The following SORCS2 variants were observed in gnomAD, a reference collection of about 807,000 sequenced individuals.
The protein encoded by SORCS2 is VPS10 domain-containing receptor SorCS2.
Under a neutral mutation model 141.6 loss-of-function variants are expected in SORCS2, and 100 were observed. The observed-to-expected ratio is 0.71, with a 90% confidence interval of 0.60 to 0.83. The LOEUF is 0.83. Among genes scored for constraint, SORCS2 ranks in the 40% least tolerant of loss-of-function variants. SORCS2 has a pLI of 0.00. For synonymous variants in SORCS2, 789 were observed against 676.9 expected (o/e 1.17, Z -2.57); for missense variants, 1,646 against 1,560.2 (o/e 1.05, Z -0.93).
rs375065033 is a variant in SORCS2 at position 7,650,662 on chromosome 4, G to C, written c.814-3472G>C. On this transcript the variant is annotated intron_variant, in intron 4 of 26. Transcript: ENST00000507866. ...ACTGACTCAGAGGCCATGACAGGGA[G>C]GCAGACGCCAGCTCCGCAGACCCGG... Among the ~76,000 whole-genome samples the C allele has an allele frequency of 1.6e-4, 24 of 152,030 alleles. No individual in the cohort carries two copies. The East Asian group carries it at 4.5e-3, about 28-fold the overall frequency.
chr4:7,522,742 T>C (rs1733410436), intron 2 of SORCS2, among the ~76,000 whole-genome samples: 1 of 69,448 alleles, frequency 1.4e-5, no homozygotes, highest in Non-Finnish European at 3.2e-5. Context: ...TTCCTTCCTT[T>C]CTTTCCTCTC....
intron 2 of SORCS2, among the ~76,000 whole-genome samples, chr4:7,414,561 C>T (rs1023912892): frequency 1.3e-5 from 2 of 151,886 alleles, no homozygotes; most frequent in African/African-American, 2.4e-5. Context: ...CTCTCGGCCA[C>T]GAGGAAGGGG....
rs757328456 is a variant in SORCS2 at position 7,531,593 on chromosome 4, C to T, written c.612C>T (p.Ile204=). Residue 204 remains isoleucine, a synonymous_variant, in exon 3 of 27, where the codon ATC becomes ATT. Coordinates refer to ENST00000507866, the MANE Select transcript of SORCS2 (RefSeq NM_020777.3). ...LTLQPGVTTV[I]DNFYICPTNK... ...TCCAGCCTGGTGTCACCACCGTCATCGACAATTTCTACATCTGCCCGACCA... is the reference window on the plus strand; with the variant it reads ...TCCAGCCTGGTGTCACCACCGTCATTGACAATTTCTACATCTGCCCGACCA... The T allele has an allele frequency of 5.6e-6, 9 of 1,613,744 alleles. No individual in the cohort carries two copies. Among genetic ancestry groups the T allele is most frequent in the Admixed American group, 5.0e-5 (3 of 60,004 alleles).
chr4:7,486,362 T>C (rs549215390), intron 2 of SORCS2, among the ~76,000 whole-genome samples: 105 of 152,358 alleles, frequency 6.9e-4, no homozygotes, highest in African/African-American at 2.4e-3. Context: ...GGTGGACAGA[T>C]GGAGGGGTCT....
chr4:7,552,123 C>A (rs1351055105), intron 3 of SORCS2, among the ~76,000 whole-genome samples: 4 of 152,194 alleles, frequency 2.6e-5, no homozygotes, highest in Non-Finnish European at 5.9e-5. Flanking sequence ...ATGCATCCTC[C>A]AAAGTCCTGC....
At chr4:7,574,415 G>T in intron 3 of SORCS2, among the ~76,000 whole-genome samples, 1 of 152,230 alleles carries the variant, frequency 6.6e-6, no homozygotes, top group East Asian at 1.9e-4. Context: ...CCATGTCTTA[G>T]AGAGTGATGA....
At chr4:7,423,624 A>G (rs1726234514) in intron 2 of SORCS2, among the ~76,000 whole-genome samples, 1 of 152,152 alleles carries the variant, frequency 6.6e-6, no homozygotes, top group South Asian at 2.1e-4. Context: ...CTGGCTTGTG[A>G]TCACTCTTTG....
intron 1 of SORCS2, among the ~76,000 whole-genome samples, chr4:7,281,039 G>A (rs1225750657): frequency 1.2e-4 from 19 of 152,178 alleles, no homozygotes; most frequent in Admixed American, 1.2e-3. Flanking sequence ...CCACAAATGC[G>A]AGTCGCGTGT....
chr4:7,464,335 C>T (rs1198153349), intron 2 of SORCS2, among the ~76,000 whole-genome samples: 1 of 152,110 alleles, frequency 6.6e-6, no homozygotes, highest in Non-Finnish European at 1.5e-5. Context: ...AATAGAAGTT[C>T]ACCAGGGGGA....
intron 1 of SORCS2, among the ~76,000 whole-genome samples, chr4:7,361,902 G>T (rs7688797): frequency 6.6e-6 from 1 of 151,100 alleles, no homozygotes; most frequent in African/African-American, 2.4e-5. Context: ...AGAAGCGGTG[G>T]GGGGGAGGAC....
At chr4:7,246,209 G>A (rs1469008457) in intron 1 of SORCS2, among the ~76,000 whole-genome samples, 4 of 152,352 alleles carry the variant, frequency 2.6e-5, no homozygotes, top group South Asian at 4.1e-4. Context: ...TATGGCCTGG[G>A]TCCTCTGTGT....
At position 7,542,291 on chromosome 4, in the gene SORCS2, C is replaced by A. The variant is rs78982732; in HGVS notation, c.648+10662C>A. ...ATTGTGCCCCCCAAAAAAATATGTC[C>A]GTGTCATAACTCCTCATCCCTGCCA... On this transcript the variant is annotated intron_variant, in intron 3 of 26. Transcript: ENST00000507866. 6.4e-3 allele frequency among the ~76,000 whole-genome samples: 970 copies of A among 152,314 alleles called. 16 individuals are homozygous for A. The highest frequency in any genetic ancestry group is 0.022 in the African/African-American group (934 of 41,558).
chr4:7,738,675 C>G (rs1276878881), intron 26 of SORCS2, among the ~76,000 whole-genome samples: 5 of 152,198 alleles, frequency 3.3e-5, no homozygotes, highest in African/African-American at 1.2e-4. Flanking sequence ...GTCACTCACA[C>G]TCTGCATCCG....
intron 1 of SORCS2, among the ~76,000 whole-genome samples, chr4:7,342,287 A>T (rs879460715): frequency 1.3e-5 from 2 of 152,182 alleles, no homozygotes; most frequent in Admixed American, 6.5e-5. Context: ...GTGTCCTGAC[A>T]CTGTCGGCGG....
chr4:7,459,249 A>G (rs950089405), intron 2 of SORCS2, among the ~76,000 whole-genome samples: 2 of 151,992 alleles, frequency 1.3e-5, no homozygotes, highest in African/African-American at 4.8e-5. Context: ...TGTTTCCTCA[A>G]CTATAGAAGA....
At chr4:7,426,233 G>T (rs1401917067) in intron 2 of SORCS2, among the ~76,000 whole-genome samples, 1 of 150,276 alleles carries the variant, frequency 6.7e-6, no homozygotes. Flanking sequence ...TGGGTCTGCT[G>T]TTCCTGAGAC....
chr4:7,715,089 T>TC, intron 16 of SORCS2, 94 bp from the exon 17 acceptor site: 1 of 1,544,632 alleles, frequency 6.5e-7, no homozygotes, highest in Non-Finnish European at 8.8e-7. Flanking sequence ...GACATGAGGT[T>TC]CCCTTCTCAG....
intron 1 of SORCS2, among the ~76,000 whole-genome samples, chr4:7,259,545 A>G (rs868082277): frequency 2.6e-5 from 4 of 152,304 alleles, no homozygotes; most frequent in African/African-American, 9.6e-5. Flanking sequence ...CGTCAGGCCC[A>G]GGGGTGGCCC....
intron 1 of SORCS2, among the ~76,000 whole-genome samples, chr4:7,242,937 G>C (rs909156795): frequency 6.6e-6 from 1 of 152,228 alleles, no homozygotes; most frequent in African/African-American, 2.4e-5. Flanking sequence ...GGTTGGATGG[G>C]AGGCACTGGG....
Sources: allele counts gnomAD v4.1 joint callset (sites outside exome capture counted in the v4.1 genomes callset), GRCh38; gene constraint gnomAD v4.1.1; transcripts MANE v1.5; gene names NCBI Gene and HGNC (gene_info 2026-07-23, HGNC 2026-07-21).